Variants in WDR72 observed in about 807,000 individuals in gnomAD.
The protein encoded by WDR72 is WD repeat domain 72.
WDR72 carries 120 observed loss-of-function variants against 124.2 expected under a neutral mutation model. That is an observed-to-expected ratio of 0.97 (90% CI 0.83 to 1.12). WDR72 has a LOEUF of 1.12. Ranked by LOEUF, WDR72 falls within the 50% of genes most tolerant of loss-of-function variation. The probability of loss-of-function intolerance (pLI) is 0.00; values close to 1 mark genes in which losing one functional copy is unlikely to be tolerated. For synonymous variants in WDR72, 452 were observed against 441.7 expected (o/e 1.02, Z -0.29); for missense variants, 1,387 against 1,278.8 (o/e 1.08, Z -1.29).
intron 18 of WDR72, among the ~76,000 whole-genome samples, chr15:53,577,392 AC>A (rs1248106288): frequency 6.6e-6 from 1 of 152,040 alleles, no homozygotes; most frequent in Admixed American, 6.6e-5. Context: ...AATGTCTTGG[AC>A]CCCATTATCT....
chr15:53,745,290 A>G (rs554784859), intron 1 of WDR72, among the ~76,000 whole-genome samples: 123 of 152,298 alleles, frequency 8.1e-4, no homozygotes, highest in African/African-American at 3.0e-3. Context: ...ATGAATCACT[A>G]TAATTTTGTA....
chr15:53,601,670 G>GA (rs1242926153), intron 17 of WDR72, among the ~76,000 whole-genome samples: 1 of 151,902 alleles, frequency 6.6e-6, no homozygotes, highest in Non-Finnish European at 1.5e-5. Context: ...TGGAAAAAAG[G>GA]AAAAAGCAGG....
At chr15:53,692,201 T>A (rs572021857) in intron 13 of WDR72, among the ~76,000 whole-genome samples, 2 of 152,004 alleles carry the variant, frequency 1.3e-5, no homozygotes, top group Non-Finnish European at 2.9e-5. Flanking sequence ...CTTTCTTATA[T>A]GTTGCTTTAT....
intron 3 of WDR72, among the ~76,000 whole-genome samples, chr15:53,718,782 T>TCTTAAGGTTTTTAAAAATTTTAAAAAC (rs2017785485): frequency 3.5e-5 from 4 of 113,864 alleles, no homozygotes; most frequent in Admixed American, 1.7e-4. Context: ...ATTTTAAAAA[T>TCTTAAGGTTTTTAAAAATTTTAAAAAC]CTTAAGATTT....
chr15:53,575,813 C>A (rs2140311331), intron 18 of WDR72, among the ~76,000 whole-genome samples: 1 of 152,162 alleles, frequency 6.6e-6, no homozygotes, highest in Admixed American at 6.5e-5. Flanking sequence ...GCTGTCAATG[C>A]CCATAACACA....
At chr15:53,627,094 G>A (rs1454083873) in intron 14 of WDR72, among the ~76,000 whole-genome samples, 2 of 152,164 alleles carry the variant, frequency 1.3e-5, no homozygotes, top group Admixed American at 1.3e-4. Context: ...AGAGAGAGAA[G>A]GGAAATGACT....
chr15:53,547,154 A>T (rs62005903), intron 18 of WDR72, among the ~76,000 whole-genome samples: 37,891 of 152,236 alleles, frequency 0.25, 4,921 homozygotes, highest in African/African-American at 0.32. Flanking sequence ...GCCCACTGTT[A>T]CCAACAACTA....
intron 1 of WDR72, among the ~76,000 whole-genome samples, chr15:53,742,300 C>A (rs898235141): frequency 5.9e-5 from 9 of 152,202 alleles, no homozygotes; most frequent in African/African-American, 1.2e-4. Context: ...AAGGAAAAAA[C>A]CATTTTATTA....
intron 18 of WDR72, among the ~76,000 whole-genome samples, chr15:53,530,873 G>C (rs886169478): frequency 1.3e-5 from 2 of 152,070 alleles, no homozygotes; most frequent in Non-Finnish European, 2.9e-5. Flanking sequence ...ACTGGAATTT[G>C]TAAGAGCAGC....
At chr15:53,546,791 A>C (rs555821009) in intron 18 of WDR72, among the ~76,000 whole-genome samples, 2 of 152,342 alleles carry the variant, frequency 1.3e-5, no homozygotes, top group South Asian at 4.1e-4. Context: ...ACACAAAATC[A>C]AAAATGAAAG....
intron 14 of WDR72, among the ~76,000 whole-genome samples, chr15:53,661,904 A>G (rs1220258903): frequency 6.6e-6 from 1 of 152,156 alleles, no homozygotes; most frequent in Non-Finnish European, 1.5e-5. Flanking sequence ...GTTTTAAAGA[A>G]AAGACATTTC....
chr15:53,658,337 C>T (rs995800931), intron 14 of WDR72, among the ~76,000 whole-genome samples: 3 of 152,110 alleles, frequency 2.0e-5, no homozygotes, highest in Non-Finnish European at 4.4e-5. Context: ...CAAAAAATAG[C>T]CCTGTGTGTA....
intron 14 of WDR72, among the ~76,000 whole-genome samples, chr15:53,654,911 G>T (rs932725012): frequency 3.3e-5 from 5 of 152,032 alleles, no homozygotes; most frequent in African/African-American, 1.2e-4. Context: ...ATACATAAAT[G>T]TTAAAGTCAT....
At chr15:53,714,596 C>T (rs866929301) in intron 5 of WDR72, 86 bp from the exon 6 acceptor site, 58 of 1,058,404 alleles carry the variant, frequency 5.5e-5, no homozygotes, top group Middle Eastern at 2.0e-4. Flanking sequence ...TTAAGAATTA[C>T]GCAGGGCTGT....
At chr15:53,739,230 C>G (rs1246103856) in intron 1 of WDR72, among the ~76,000 whole-genome samples, 5 of 150,920 alleles carry the variant, frequency 3.3e-5, no homozygotes, top group Admixed American at 3.3e-4. Context: ...AAGTAAGCAT[C>G]AAAAAAAAGT....
chr15:53,755,466 C>T (rs2018876679), intron 1 of WDR72, among the ~76,000 whole-genome samples: 1 of 152,152 alleles, frequency 6.6e-6, no homozygotes. Flanking sequence ...TATAGATTCT[C>T]AAAAGCGGGC....
chr15:53,562,608 A>C lies in WDR72; in HGVS notation c.3148+34471T>G, dbSNP rs187349807. Among the ~76,000 whole-genome samples the C allele has an allele frequency of 2.6e-3, 389 of 151,942 alleles. 1 individual carries two copies. The highest frequency in any genetic ancestry group is 3.7e-3 in the Non-Finnish European group (249 of 67,850). On this transcript the variant is annotated intron_variant, in intron 18 of 19. Transcript: ENST00000360509. ...CATTACAAATTTCCTCAAATCATTT[A>C]TGTAAATTGAAAAGTTATGAATAAG...
At chr15:53,555,192 C>A (rs1893881400) in intron 18 of WDR72, among the ~76,000 whole-genome samples, 1 of 142,980 alleles carries the variant, frequency 7.0e-6, no homozygotes, top group African/African-American at 2.6e-5. Context: ...CCACTTTCTA[C>A]AATGTGAAGC....
In WDR72 at chr15:53,557,433, G is replaced by C. The variant is rs1435088985; in HGVS notation, c.3149-34111C>G. 1.3e-5 allele frequency among the ~76,000 whole-genome samples: 2 copies of C among 152,038 alleles called. 1 individual carries two copies. Among genetic ancestry groups the C allele is most frequent in the South Asian group, 4.1e-4 (2 of 4,826 alleles). ...TAAGGGTCTCTCAGACATTACAATG[G>C]CTAAGAATTTCATCTCAAACACCAC... On this transcript the variant is annotated intron_variant, in intron 18 of 19. Coordinates refer to ENST00000360509, the MANE Select transcript of WDR72 (RefSeq NM_182758.4).
Sources: gnomAD v4.1 joint callset for allele counts (sites outside exome capture counted in the v4.1 genomes callset) on GRCh38, gnomAD v4.1.1 for gene constraint, MANE v1.5 for transcripts, NCBI Gene and HGNC (gene_info 2026-07-23, HGNC 2026-07-21) for gene names.